Variants in NRG3 observed in about 807,000 individuals in gnomAD.
The protein encoded by NRG3 is pro-neuregulin-3, membrane-bound isoform.
A neutral mutation model predicts 66.9 loss-of-function variants in NRG3; 31 were observed. The observed-to-expected ratio is 0.46, with a 90% confidence interval of 0.35 to 0.63. The LOEUF is 0.63. Among genes scored for constraint, NRG3 ranks in the 20% least tolerant of loss-of-function variants. The pLI is 0.00. For missense variants in NRG3, 910 were observed against 878.9 expected (o/e 1.04, Z -0.45); for synonymous variants, 393 against 359.4 (o/e 1.09, Z -1.06).
chr10:82,737,277 G>A (rs1485836195), intron 2 of NRG3, among the ~76,000 whole-genome samples: 1 of 152,120 alleles, frequency 6.6e-6, no homozygotes, highest in African/African-American at 2.4e-5. Flanking sequence ...TTAAAAAGGT[G>A]TTGAAGAGAG....
chr10:81,939,807 G>A (rs957665058), intron 1 of NRG3, among the ~76,000 whole-genome samples: 1 of 149,180 alleles, frequency 6.7e-6, no homozygotes, highest in Non-Finnish European at 1.5e-5. Flanking sequence ...TTTTCATTCT[G>A]CTAACTTTGA....
chr10:82,856,756 C>CAAAAAAA (rs67224862), intron 3 of NRG3, among the ~76,000 whole-genome samples: 28 of 107,458 alleles, frequency 2.6e-4, no homozygotes, highest in East Asian at 9.2e-4. Context: ...AAAAAAAAAA[C>CAAAAAAA]AAAAAAAAAA....
chr10:82,717,424 G>C (rs1473645023), intron 2 of NRG3, among the ~76,000 whole-genome samples: 1 of 114,060 alleles, frequency 8.8e-6, no homozygotes, highest in Non-Finnish European at 1.7e-5. Flanking sequence ...TTTTGAGATG[G>C]AGTCTTGCTG....
Position 81,876,098 on chromosome 10 carries a change from C to G in NRG3, c.758C>G (p.Ser253Cys), listed in dbSNP as rs1401106728. 2 of 1,611,250 alleles carry G rather than the reference C, an allele frequency of 1.2e-6. No individual in the cohort carries two copies. The highest frequency in any genetic ancestry group is 1.7e-6 in the Non-Finnish European group (2 of 1,178,968). ...TCTCCCTTTCAGGATGCTGCCTCCTCTTCTTCCTCTTCTTCCTCCTCCGCT... is the reference window on the plus strand; with the variant it reads ...TCTCCCTTTCAGGATGCTGCCTCCTGTTCTTCCTCTTCTTCCTCCTCCGCT... ...TLSPFQDAAS[S>C]SSSSSSSATT... Residue 253 changes from serine to cysteine, a missense_variant, in exon 1 of 9, where the codon TCT becomes TGT. Physicochemically the swap from Ser to Cys is moderately radical, Grantham distance 112. Coordinates refer to ENST00000372141, the MANE Select transcript of NRG3 (RefSeq NM_001010848.4).
At chr10:82,821,503 G>GAA (rs10550982) in intron 3 of NRG3, among the ~76,000 whole-genome samples, 13 of 134,604 alleles carry the variant, frequency 9.7e-5, no homozygotes, top group Non-Finnish European at 1.1e-4. Context: ...ACACTTAACT[G>GAA]AAAAAAAAAA....
intron 3 of NRG3, among the ~76,000 whole-genome samples, chr10:82,775,121 C>T (rs940839326): frequency 4.0e-5 from 6 of 151,778 alleles, no homozygotes; most frequent in Non-Finnish European, 4.4e-5. Context: ...CCACCGTGCC[C>T]AGCCTATTAT....
At chr10:82,632,044 C>T (rs1031972505) in intron 2 of NRG3, among the ~76,000 whole-genome samples, 7 of 152,002 alleles carry the variant, frequency 4.6e-5, no homozygotes, top group Admixed American at 4.6e-4. Flanking sequence ...AGAGGTTGCA[C>T]TGGGCCGAGA....
intron 2 of NRG3, among the ~76,000 whole-genome samples, chr10:82,622,216 AT>A (rs1484089126): frequency 7.1e-6 from 1 of 140,204 alleles, no homozygotes; most frequent in Non-Finnish European, 1.5e-5. Flanking sequence ...AGGTAATACT[AT>A]TTTTTTGCAG....
chr10:82,835,755 G>T (rs116704584), intron 3 of NRG3, among the ~76,000 whole-genome samples: 1,660 of 152,256 alleles, frequency 0.011, 27 homozygotes, highest in African/African-American at 0.034. Flanking sequence ...ACACTCCTTA[G>T]AATCCCTTTG....
At chr10:82,179,628 A>AT (rs1432227326) in intron 1 of NRG3, among the ~76,000 whole-genome samples, 3 of 151,704 alleles carry the variant, frequency 2.0e-5, no homozygotes, top group East Asian at 1.9e-4. Flanking sequence ...CCAGTACCAT[A>AT]TTTTTTTATT....
intron 1 of NRG3, among the ~76,000 whole-genome samples, chr10:81,876,988 A>G (rs1841725483): frequency 6.6e-6 from 1 of 151,920 alleles, no homozygotes; most frequent in African/African-American, 2.4e-5. Context: ...TGGGGTGTGA[A>G]CCTTATCTCC....
chr10:82,453,048 T>G lies in NRG3; in HGVS notation c.953+94180T>G, dbSNP rs111518725. 3.5e-3 allele frequency among the ~76,000 whole-genome samples: 537 copies of G among 152,278 alleles called. 3 individuals carry two copies. The highest frequency in any genetic ancestry group is 0.012 in the African/African-American group (510 of 41,560). On this transcript the variant is annotated intron_variant, in intron 2 of 8. Transcript: ENST00000372141. ...AGTATGAATCCTTAGTAGACAGTTT[T>G]CCAACTGTACCACTCTGTGTGATCT...
chr10:82,083,970 G>A (rs983983060), intron 1 of NRG3, among the ~76,000 whole-genome samples: 4 of 151,570 alleles, frequency 2.6e-5, no homozygotes, highest in African/African-American at 9.7e-5. Context: ...GCTCACTCCT[G>A]TAATCACAGC....
chr10:82,260,441 A>T (rs183988369), intron 1 of NRG3, among the ~76,000 whole-genome samples: 1 of 152,236 alleles, frequency 6.6e-6, no homozygotes, highest in Admixed American at 6.5e-5. Context: ...TATTCCTTCA[A>T]CTTTCCAGGA....
chr10:82,746,024 G>A (rs2058629469), intron 3 of NRG3, among the ~76,000 whole-genome samples: 1 of 152,062 alleles, frequency 6.6e-6, no homozygotes, highest in South Asian at 2.1e-4. Flanking sequence ...AAGTAGCTGG[G>A]ACTACAAATG....
At chr10:82,272,058 A>G (rs574188932) in intron 1 of NRG3, among the ~76,000 whole-genome samples, 1 of 152,224 alleles carries the variant, frequency 6.6e-6, no homozygotes, top group Admixed American at 6.5e-5. Context: ...CAAGTGAGCA[A>G]ACAAACAACC....
chr10:82,649,798 C>A (rs886131433), intron 2 of NRG3, among the ~76,000 whole-genome samples: 1 of 151,922 alleles, frequency 6.6e-6, no homozygotes, highest in Non-Finnish European at 1.5e-5. Flanking sequence ...TGGGACACAG[C>A]CTTAAACTGC....
intron 1 of NRG3, among the ~76,000 whole-genome samples, chr10:81,915,617 C>T (rs73304577): frequency 0.019 from 2,877 of 151,294 alleles, 81 homozygotes; most frequent in African/African-American, 0.064. Flanking sequence ...TCATTAAATA[C>T]GGAGTGTGGG....
At chr10:82,079,653 A>G (rs1443823710) in intron 1 of NRG3, among the ~76,000 whole-genome samples, 2 of 152,156 alleles carry the variant, frequency 1.3e-5, no homozygotes, top group East Asian at 3.9e-4. Context: ...ACCCCTGGCA[A>G]TCACTGGTCT....
Sources: allele counts gnomAD v4.1 joint callset (sites outside exome capture counted in the v4.1 genomes callset), GRCh38; gene constraint gnomAD v4.1.1; transcripts MANE v1.5; gene names NCBI Gene and HGNC (gene_info 2026-07-23, HGNC 2026-07-21).